Variants in CFAP47 observed in about 807,000 individuals in gnomAD.
CFAP47 encodes the protein cilia- and flagella-associated protein 47.
In CFAP47, 29 loss-of-function variants were observed where a neutral mutation model predicts 148.1. The ratio of observed to expected loss-of-function variants is 0.20; its 90% CI spans 0.15 to 0.27. The LOEUF (loss-of-function observed/expected upper bound fraction) is 0.27. CFAP47 is among the 10% of genes least tolerant of loss of function. The pLI is 1.00. For missense variants in CFAP47, 1,872 were observed against 1,697.5 expected (o/e 1.10, Z -1.81); for synonymous variants, 664 against 577.3 (o/e 1.15, Z -2.15).
At position 36,339,639 on chromosome X, in the gene CFAP47, A is replaced by G. The variant is rs150800906; in HGVS notation, c.8444-8490A>G. Among the ~76,000 whole-genome samples, 843 of 111,408 alleles carry G rather than the reference A, an allele frequency of 7.6e-3. 5 individuals carry two copies. Among genetic ancestry groups the G allele is most frequent in the African/African-American group, 0.026 (807 of 30,665 alleles). On this transcript the variant is annotated intron_variant, in intron 57 of 63. Transcript: ENST00000378653. ...ATGCAACGTGTGCTTGACAGTCCTC[A>G]ATGTCAGGAAACTTTCTCCTTCATT... is the stretch of plus-strand genomic sequence containing the variant.
At chrX:36,338,926 A>G (rs1304316620) in intron 57 of CFAP47, among the ~76,000 whole-genome samples, 1 of 111,267 alleles carries the variant, frequency 9.0e-6, no homozygotes, top group African/African-American at 3.3e-5. Flanking sequence ...CTAACCTTTA[A>G]CTGTTTTACG....
chrX:36,251,616 A>G (rs947749522), intron 49 of CFAP47, among the ~76,000 whole-genome samples, 172 bp downstream of exon 49: 6 of 111,707 alleles, frequency 5.4e-5, no homozygotes, highest in African/African-American at 1.9e-4. Flanking sequence ...GCTTTGATGC[A>G]TACATTTTAT....
At chrX:36,366,241 T>A (rs1740385124) in intron 61 of CFAP47, among the ~76,000 whole-genome samples, 1 of 111,801 alleles carries the variant, frequency 8.9e-6, no homozygotes, top group African/African-American at 3.2e-5. Flanking sequence ...ACCACACTGT[T>A]ACATGTTTGA....
intron 50 of CFAP47, among the ~76,000 whole-genome samples, chrX:36,283,573 G>C (rs1941101927): frequency 8.9e-6 from 1 of 111,735 alleles, no homozygotes; most frequent in Non-Finnish European, 1.9e-5. Context: ...CATGGACTCT[G>C]AATAAAGCAG....
At chrX:36,326,614 G>C (rs1425992233) in intron 57 of CFAP47, among the ~76,000 whole-genome samples, 8 of 112,025 alleles carry the variant, frequency 7.1e-5, no homozygotes, top group African/African-American at 2.3e-4. Flanking sequence ...TTAGCAAAGA[G>C]ACTGGCGGCA....
intron 23 of CFAP47, among the ~76,000 whole-genome samples, chrX:36,031,831 A>AGAGG (rs2146719514): frequency 9.1e-6 from 1 of 109,983 alleles, no homozygotes; most frequent in South Asian, 3.8e-4. Flanking sequence ...AGGAAAACAG[A>AGAGG]CATGCATAAA....
At chrX:35,924,489 C>CTATATGTGTATATAGGTGCACA (rs1569202230) in intron 1 of CFAP47, among the ~76,000 whole-genome samples, 2 of 100,798 alleles carry the variant, frequency 2.0e-5, no homozygotes, top group African/African-American at 3.8e-5. Flanking sequence ...ATATGTGCAC[C>CTATATGTGTATATAGGTGCACA]TATATGTGTA....
At chrX:36,371,797 TACACACA>T in intron 62 of CFAP47, among the ~76,000 whole-genome samples, 1 of 57,152 alleles carries the variant, frequency 1.7e-5, no homozygotes, top group Non-Finnish European at 2.7e-5. Flanking sequence ...TGTGTGTATA[TACACACA>T]TGTATATATG....
intron 57 of CFAP47, among the ~76,000 whole-genome samples, chrX:36,333,463 GTCC>G (rs1343984589): frequency 3.6e-5 from 4 of 110,693 alleles, no homozygotes; most frequent in African/African-American, 6.6e-5. Flanking sequence ...TAGGGAAGCT[GTCC>G]TCCTTCTTCT....
intron 63 of CFAP47, among the ~76,000 whole-genome samples, chrX:36,383,449 C>A (rs1323443922): frequency 9.4e-6 from 1 of 106,690 alleles, no homozygotes; most frequent in Non-Finnish European, 2.0e-5. Context: ...TTAGCTCACT[C>A]ATTTTTACCC....
intron 29 of CFAP47, among the ~76,000 whole-genome samples, chrX:36,079,863 G>T (rs1937939552): frequency 9.0e-6 from 1 of 111,622 alleles, no homozygotes. Context: ...CAGGACATAG[G>T]CATGGGCAAG....
chrX:36,080,080 C>T (rs1036609952), intron 29 of CFAP47, among the ~76,000 whole-genome samples: 12 of 111,232 alleles, frequency 1.1e-4, no homozygotes, highest in African/African-American at 3.9e-4. Context: ...AACAAATTTA[C>T]AAGAAAAAAA....
intron 26 of CFAP47, among the ~76,000 whole-genome samples, chrX:36,055,104 AT>A (rs747236961): frequency 0.084 from 8,575 of 101,878 alleles, 923 homozygotes; most frequent in African/African-American, 0.28. Context: ...ATTTTTTCTT[AT>A]TTTTTTTTTT....
chrX:36,203,215 C>A (rs781902217), intron 44 of CFAP47, among the ~76,000 whole-genome samples: 1 of 111,626 alleles, frequency 9.0e-6, no homozygotes, highest in South Asian at 3.7e-4. Context: ...TCAAACCAAA[C>A]CACTTCTTTC....
rs1171364954 is a variant in CFAP47 at position 36,138,373 on chromosome X, A to G, written c.5444A>G (p.Tyr1815Cys). 2 of 1,154,844 alleles carry G rather than the reference A, an allele frequency of 1.7e-6. No individual in the cohort carries two copies. The highest frequency in any genetic ancestry group is 6.4e-5 in the East Asian group (2 of 31,248). ...FLIESHFINM[Y>C]TRPKSPEEYL... The stretch of plus-strand genomic sequence containing the variant: ...ATTGAGTCTCATTTTATAAATATGT[A>G]CACACGACCAAAAAGTCCTGAAGAG... The change falls in exon 35 of 64, where the codon TAC (tyrosine) becomes TGC (cysteine). Residue 1815 changes from tyrosine to cysteine, a missense_variant. Tyr to Cys is a radical substitution (Grantham distance 194). Coordinates refer to ENST00000378653, the MANE Select transcript of CFAP47 (RefSeq NM_001304548.2).
chrX:36,188,672 C>T lies in CFAP47; in HGVS notation c.6157C>T (p.Pro2053Ser). The change falls in exon 41 of 64, where the codon CCA becomes TCA. Residue 2053 changes from proline (P) to serine (S), a missense_variant. Physicochemically the swap from Pro to Ser is moderately conservative, Grantham distance 74 (BLOSUM62 -1). Transcript: ENST00000378653. ...CACTGATCAGGGCTGTTCCGATTCC[C>T]CAAATGTCTTACATACCTGTGAGTA... ...SDTDQGCSDS[P>S]NVLHTSIKST... 3.4e-6 allele frequency: 1 copy of T among 297,286 alleles called. No individual in the cohort carries two copies. The highest frequency in any genetic ancestry group is 2.0e-4 in the South Asian group (1 of 5,024). The allele number at this position is 297,286 out of a possible 1,213,427, so 24.5% of individuals were successfully genotyped here. A position where few individuals can be genotyped will look rare whatever the true frequency, so the allele number is the denominator to read the frequency against.
chrX:36,269,174 G>A (rs1940930044), intron 49 of CFAP47, among the ~76,000 whole-genome samples: 2 of 111,978 alleles, frequency 1.8e-5, no homozygotes, highest in African/African-American at 6.5e-5. Context: ...TATAGCTAAT[G>A]TAAAAATAAC....
Position 36,201,315 on chromosome X carries a change from C to A in CFAP47, c.6478C>A (p.Pro2160Thr). ...KYPVLYLKCK[P>T]YQILYVDLKL... ...CCCAGTTCTGTATTTGAAATGCAAA[C>A]CCTATCAAATCCTGTATGTGGACCT... The change falls in exon 44 of 64, where the codon CCC becomes ACC. Residue 2160 changes from proline (P) to threonine (T), a missense_variant. Transcript: ENST00000378653. 3.4e-6 allele frequency: 1 copy of A among 297,245 alleles called. No homozygotes were observed. The highest frequency in any genetic ancestry group is 5.9e-6 in the Non-Finnish European group (1 of 170,061). 24.5% of individuals were successfully genotyped at this position (297,245 alleles called of 1,213,427 possible). A position where few individuals can be genotyped will look rare whatever the true frequency, so the allele number is the denominator to read the frequency against.
rs1235755736 is a variant in CFAP47, at chrX:36,217,758, G to A, written c.6818-10870G>A. 2.7e-5 allele frequency among the ~76,000 whole-genome samples: 3 copies of A among 111,985 alleles called. No homozygotes were observed. The Admixed American group carries it at 2.9e-4, about 11-fold the overall frequency. ...AAAAATACACTTTAAGTCAAATAATGTAACATAACCAATTCAACATAATTG... is the reference window on the plus strand; with the variant it reads ...AAAAATACACTTTAAGTCAAATAATATAACATAACCAATTCAACATAATTG... On this transcript the variant is annotated intron_variant, in intron 45 of 63. Coordinates refer to ENST00000378653, the MANE Select transcript of CFAP47 (RefSeq NM_001304548.2).
Sources: allele counts gnomAD v4.1 joint callset (sites outside exome capture counted in the v4.1 genomes callset), GRCh38; gene constraint gnomAD v4.1.1; transcripts MANE v1.5; gene names NCBI Gene and HGNC (gene_info 2026-07-23, HGNC 2026-07-21).